LDLRAD4: variants seen among roughly 807,000 people sequenced by gnomAD.
LDLRAD4 encodes low density lipoprotein receptor class A domain containing 4.
In LDLRAD4, 5 loss-of-function variants were observed where a neutral mutation model predicts 17.0. That is an observed-to-expected ratio of 0.29 (90% CI 0.15 to 0.62). The LOEUF (loss-of-function observed/expected upper bound fraction) is 0.62, where lower values mean the gene tolerates loss of function less well. Ranked by LOEUF, LDLRAD4 falls within the 20% of genes least tolerant of loss-of-function variation. The pLI is 0.84. For synonymous variants in LDLRAD4, 168 were observed against 171.8 expected (o/e 0.98, Z 0.17); for missense variants, 340 against 424.7 (o/e 0.80, Z 1.75).
intron 3 of LDLRAD4, chr18:13,471,981 A>C (rs550797063): frequency 1.3e-5 from 2 of 152,348 alleles, no homozygotes; most frequent in Non-Finnish European, 2.9e-5. Flanking sequence ...TGGTCATAAA[A>C]ACACGATTTC....
chr18:13,327,393 GCA>G (rs1347170814), intron 1 of LDLRAD4, among the ~76,000 whole-genome samples: 2 of 152,152 alleles, frequency 1.3e-5, no homozygotes, highest in Admixed American at 1.3e-4. Context: ...ACAAGCAGCA[GCA>G]CCACCACGTG....
chr18:13,494,300 G>A (rs77581547), intron 3 of LDLRAD4, among the ~76,000 whole-genome samples: 11,256 of 151,778 alleles, frequency 0.074, 484 homozygotes, highest in Non-Finnish European at 0.097. Flanking sequence ...CATCAGTTAA[G>A]CAAAAAATAA....
chr18:13,606,787 G>A (rs772806908), intron 3 of LDLRAD4, among the ~76,000 whole-genome samples: 2 of 152,072 alleles, frequency 1.3e-5, no homozygotes, highest in African/African-American at 2.4e-5. Context: ...ATTTTTATGT[G>A]GAAAATTTCA....
chr18:13,347,371 C>A (rs568946216), intron 1 of LDLRAD4, among the ~76,000 whole-genome samples: 54 of 152,280 alleles, frequency 3.5e-4, no homozygotes, highest in African/African-American at 1.2e-3. Flanking sequence ...GTTGAAAATT[C>A]TTTTCTTTAA....
At position 13,398,831 on chromosome 18, in the gene LDLRAD4, G is replaced by T. The variant is rs1379141492; in HGVS notation, c.40+11069G>T. Among the ~76,000 whole-genome samples the T allele has an allele frequency of 6.6e-6, 1 of 152,188 alleles. No individual in the cohort carries two copies. The highest frequency in any genetic ancestry group is 6.5e-5 in the Admixed American group (1 of 15,282). ...CCTCCCCGGGGGCACTATAGCAACCGTGTGTTGTTGCCTGGGACTCACTTC... is the reference window on the plus strand; with the variant it reads ...CCTCCCCGGGGGCACTATAGCAACCTTGTGTTGTTGCCTGGGACTCACTTC... On this transcript the variant is annotated intron_variant, in intron 2 of 5. Coordinates refer to ENST00000359446, the Ensembl canonical transcript of LDLRAD4. This position sits in a 1 kb window ranked among gnomAD's most constrained non-coding sequence, Gnocchi z 4.8.
chr18:13,616,463 CT>C (rs2040087900), intron 3 of LDLRAD4, among the ~76,000 whole-genome samples: 1 of 152,188 alleles, frequency 6.6e-6, no homozygotes, highest in South Asian at 2.1e-4. Context: ...TTTTCTGTTG[CT>C]AGTGTTCTGG....
chr18:13,222,570 C>T (rs915911324), intron 1 of LDLRAD4, among the ~76,000 whole-genome samples: 4 of 152,232 alleles, frequency 2.6e-5, no homozygotes, highest in Admixed American at 6.5e-5. Flanking sequence ...CTGCAGCCGG[C>T]GGCCGGCTGG....
intron 3 of LDLRAD4, among the ~76,000 whole-genome samples, chr18:13,545,830 C>A (rs1252889445): frequency 6.6e-6 from 1 of 152,184 alleles, no homozygotes; most frequent in Non-Finnish European, 1.5e-5. Flanking sequence ...GCTCAAAAGT[C>A]AGGGAAAGCC....
intron 3 of LDLRAD4, among the ~76,000 whole-genome samples, chr18:13,457,098 G>T (rs972051580): frequency 6.6e-6 from 1 of 152,346 alleles, no homozygotes; most frequent in South Asian, 2.1e-4. Flanking sequence ...AGCTCCACAG[G>T]CCGGGGGGTC....
In LDLRAD4 at chr18:13,622,935, C is replaced by A. The variant is rs1199808804; in HGVS notation, c.336+1664C>A. Among the ~76,000 whole-genome samples the A allele has an allele frequency of 6.6e-6, 1 of 152,206 alleles. No homozygotes were observed. The highest frequency in any genetic ancestry group is 2.4e-5 in the African/African-American group (1 of 41,448). On this transcript the variant is annotated intron_variant, in intron 4 of 5. Coordinates refer to ENST00000359446, the Ensembl canonical transcript of LDLRAD4. The surrounding 1 kb of genome is among the most constrained non-coding windows in gnomAD (Gnocchi z 5.3). ...CGCAGGCACACAGGGAGTTTTCTGTCCCCTGCCTGGGCGCTCCCCAGTCTT... is the reference window on the plus strand; with the variant it reads ...CGCAGGCACACAGGGAGTTTTCTGTACCCTGCCTGGGCGCTCCCCAGTCTT...
chr18:13,223,792 C>T (rs2041599723), intron 1 of LDLRAD4, among the ~76,000 whole-genome samples: 1 of 152,224 alleles, frequency 6.6e-6, no homozygotes, highest in African/African-American at 2.4e-5. Flanking sequence ...CACAGCGGCC[C>T]TGTGACATGG....
At chr18:13,273,413 G>A (rs910839236), upstream of LDLRAD4, among the ~76,000 whole-genome samples, 3 of 152,080 alleles carry the variant, frequency 2.0e-5, no homozygotes, top group Non-Finnish European at 4.4e-5. Flanking sequence ...AGATCCTCCC[G>A]CCTCAGCTTC....
Position 13,384,520 on chromosome 18 carries a change from C to T in LDLRAD4, c.-382-2821C>T, listed in dbSNP as rs568378995. 7.5e-4 allele frequency among the ~76,000 whole-genome samples: 114 copies of T among 152,320 alleles called. 1 individual carries two copies. Among genetic ancestry groups the T allele is most frequent in the Non-Finnish European group, 1.2e-3 (84 of 68,024 alleles). The stretch of plus-strand genomic sequence containing the variant: ...CAGTACGTCACTAAAACGTATTCCT[C>T]CAGTCCATCTGAAAATTTTGTATGT... On this transcript the variant is annotated intron_variant, in intron 1 of 5. Transcript: ENST00000359446.
At chr18:13,435,559 G>GCC (rs2090599464) in intron 2 of LDLRAD4, among the ~76,000 whole-genome samples, 1 of 152,168 alleles carries the variant, frequency 6.6e-6, no homozygotes, top group African/African-American at 2.4e-5. Context: ...CGATCCTCTT[G>GCC]CCTTAGCTTC....
At chr18:13,643,577 A>G (rs1186836215) in intron 5 of LDLRAD4, among the ~76,000 whole-genome samples, 165 bp downstream of exon 6, 1 of 152,192 alleles carries the variant, frequency 6.6e-6, no homozygotes, top group African/African-American at 2.4e-5. Flanking sequence ...GCGGGAGGGG[A>G]CTTCCCCTAG....
rs77510132 is a variant in LDLRAD4 at position 13,225,224 on chromosome 18, A to C, written c.-467+6236A>C. On this transcript the variant is annotated intron_variant, in intron 1 of 5. Coordinates refer to the LDLRAD4 transcript ENST00000399848. The stretch of plus-strand genomic sequence containing the variant: ...CTATGAAATGTTGTCCACCTTGGAC[A>C]AGCTAAATCTTTGAGATTGTGGGAC... 3.3e-3 allele frequency among the ~76,000 whole-genome samples: 509 copies of C among 152,372 alleles called. 4 individuals are homozygous for C. The highest frequency in any genetic ancestry group is 0.012 in the African/African-American group (495 of 41,590).
At chr18:13,635,738 T>C (rs773212139) in intron 4 of LDLRAD4, among the ~76,000 whole-genome samples, 1 of 152,182 alleles carries the variant, frequency 6.6e-6, no homozygotes, top group Non-Finnish European at 1.5e-5. Context: ...CCCTTTTCCA[T>C]AGATATAGGA....
intron 1 of LDLRAD4, among the ~76,000 whole-genome samples, chr18:13,294,034 C>G (rs866919281): frequency 3.3e-5 from 5 of 152,252 alleles, no homozygotes; most frequent in Non-Finnish European, 5.9e-5. Context: ...CCTTTTAAAC[C>G]CTTTTATGCC....
chr18:13,473,169 C>T (rs554421910), intron 3 of LDLRAD4, among the ~76,000 whole-genome samples: 1 of 149,238 alleles, frequency 6.7e-6, no homozygotes, highest in Non-Finnish European at 1.5e-5. Context: ...AAAGATCATA[C>T]ATCAGGTGAG....
Sources: gnomAD v4.1 joint callset for allele counts (sites outside exome capture counted in the v4.1 genomes callset) on GRCh38, gnomAD v4.1.1 for gene constraint, Gnocchi (gnomAD v3.1) non-coding constraint, MANE v1.5 for transcripts, NCBI Gene and HGNC (gene_info 2026-07-23, HGNC 2026-07-21) for gene names.